Variants in SPDL1 observed in about 807,000 individuals in gnomAD.
The protein encoded by SPDL1 is spindle apparatus coiled-coil protein 1, also known as protein Spindly.
Under a neutral mutation model 79.5 loss-of-function variants are expected in SPDL1, and 85 were observed. The ratio of observed to expected loss-of-function variants is 1.07; its 90% CI spans 0.90 to 1.28. SPDL1 has a LOEUF of 1.28. SPDL1 is among the 50% of genes most tolerant of loss of function. SPDL1 has a pLI of 0.00. For missense variants in SPDL1, 703 were observed against 697.8 expected (o/e 1.01, Z -0.08); for synonymous variants, 269 against 240.3 (o/e 1.12, Z -1.10).
In SPDL1 at chr5:169,594,302, G is replaced by T. The variant is rs1755465755; in HGVS notation, c.681+8G>T. 6.2e-7 allele frequency: 1 copy of T among 1,613,140 alleles called. No individual in the cohort carries two copies. The highest frequency in any genetic ancestry group is 1.7e-5 in the Admixed American group (1 of 59,868). Reference sequence around the variant, plus strand: ...TACTATAATGCCCTAGAGGTACTATGATTACAGTAACATCATGTTTTCCAA... The same window carrying T: ...TACTATAATGCCCTAGAGGTACTATTATTACAGTAACATCATGTTTTCCAA... On this transcript the variant is annotated splice_region_variant and intron_variant, in intron 5 of 11. Transcript: ENST00000265295.
In SPDL1 at chr5:169,601,619, C is replaced by T. The variant is rs748260596; in HGVS notation, c.1664C>T (p.Ser555Phe). Residue 555 changes from serine to phenylalanine, a missense_variant, in exon 11 of 12, where the codon TCT becomes TTT. Transcript: ENST00000265295. The stretch of plus-strand genomic sequence containing the variant: ...GAAAGAAGTGGAAACACCCCTAACT[C>T]TCCCAGGTCAGTGTCCTCTTTTCCT... ...LSERSGNTPN[S>F]PRLAAESKLQ... The T allele has an allele frequency of 2.4e-5, 38 of 1,613,836 alleles. No individual in the cohort carries two copies. The highest frequency in any genetic ancestry group is 3.1e-5 in the Non-Finnish European group (36 of 1,179,906).
At chr5:169,587,821 A>G (rs1201283818) in intron 1 of SPDL1, among the ~76,000 whole-genome samples, 8 of 151,970 alleles carry the variant, frequency 5.3e-5, no homozygotes, top group Non-Finnish European at 1.0e-4. Flanking sequence ...AACTCCATCA[A>G]TTTTCCTTCC....
intron 11 of SPDL1, among the ~76,000 whole-genome samples, chr5:169,603,315 T>C (rs1756031189): frequency 6.6e-6 from 1 of 152,218 alleles, no homozygotes; most frequent in Non-Finnish European, 1.5e-5. Flanking sequence ...AGAATCTCTC[T>C]ACTGTTTATC....
chr5:169,603,803 G>A (rs1434866312), intron 11 of SPDL1, among the ~76,000 whole-genome samples: 1 of 152,106 alleles, frequency 6.6e-6, no homozygotes, highest in Non-Finnish European at 1.5e-5. Flanking sequence ...GCAGTGAGCC[G>A]AGATCATGCC....
At chr5:169,602,209 T>C (rs1002707956) in intron 11 of SPDL1, among the ~76,000 whole-genome samples, 2 of 152,218 alleles carry the variant, frequency 1.3e-5, no homozygotes, top group African/African-American at 4.8e-5. Flanking sequence ...CAGATATGTG[T>C]GTCTGAAGGA....
intron 7 of SPDL1, chr5:169,595,406 A>T (rs1755537420): frequency 6.6e-6 from 1 of 152,224 alleles, no homozygotes; most frequent in South Asian, 2.1e-4. Flanking sequence ...TTGGGTTTGA[A>T]TCATAGTTTT....
At chr5:169,597,081 C>G (rs1755624964) in intron 8 of SPDL1, among the ~76,000 whole-genome samples, 1 of 152,102 alleles carries the variant, frequency 6.6e-6, no homozygotes, top group Non-Finnish European at 1.5e-5. Flanking sequence ...CAAATTGTCC[C>G]AGATTTGATA....
chr5:169,603,401 TC>T (rs1756034008), intron 11 of SPDL1, among the ~76,000 whole-genome samples: 1 of 152,172 alleles, frequency 6.6e-6, no homozygotes, highest in African/African-American at 2.4e-5. Flanking sequence ...AGCCCAAGAT[TC>T]CATGTTATTT....
intron 1 of SPDL1, chr5:169,586,161 GA>G: frequency 6.6e-6 from 1 of 152,328 alleles, no homozygotes. Context: ...ATTCTCTCTT[GA>G]AGGCATTCTA....
At chr5:169,590,556 C>T (rs1755220297) in intron 2 of SPDL1, among the ~76,000 whole-genome samples, 1 of 152,210 alleles carries the variant, frequency 6.6e-6, no homozygotes, top group Admixed American at 6.5e-5. Flanking sequence ...CTCAGCTCTG[C>T]ATTCATTCTG....
chr5:169,593,444 T>C lies in SPDL1; in HGVS notation c.427T>C (p.Cys143Arg). ...AGATCATCAGAAGGAACTCCTCTCT[T>C]GTAAATCAGAGGAACTGCGCGTAAT... The part of the protein sequence containing the change: ...QVDHQKELLS[C>R]KSEELRVMSE... The change falls in exon 4 of 12, where the codon TGT (cysteine) becomes CGT (arginine). Residue 143 changes from cysteine (C) to arginine (R), a missense_variant. By Grantham distance (180) the Cys-to-Arg change is radical. Transcript: ENST00000265295. The C allele has an allele frequency of 1.9e-6, 3 of 1,614,108 alleles. No individual in the cohort carries two copies. Among genetic ancestry groups the C allele is most frequent in the Non-Finnish European group, 2.5e-6 (3 of 1,179,994 alleles).
In SPDL1 at chr5:169,594,186, A is replaced by G. The variant is rs1389131993; in HGVS notation, c.573A>G (p.Gln191=). 2.5e-6 allele frequency: 4 copies of G among 1,613,436 alleles called. No individual in the cohort carries two copies. In the African/African-American group the frequency reaches 5.3e-5, roughly 22 times the overall value. The part of the protein sequence containing the change: ...KEEVNELQYR[Q]EQLELLITNL... ...AAGTGAATGAACTACAATACAGACA[A>G]GAACAGCTAGAACTTCTTATTACTA... The change falls in exon 5 of 12, where the codon CAA becomes CAG. Residue 191 remains glutamine, a synonymous_variant. Transcript: ENST00000265295.
intron 10 of SPDL1, 74 bp downstream of exon 10, chr5:169,599,233 G>A: frequency 9.0e-7 from 1 of 1,107,470 alleles, no homozygotes; most frequent in Non-Finnish European, 1.2e-6. Context: ...TTTTCTTACT[G>A]TAGTTTTATG....
chr5:169,599,067 T>C lies in SPDL1; in HGVS notation c.1232T>C (p.Phe411Ser), dbSNP rs1160483518. The C allele has an allele frequency of 2.5e-6, 4 of 1,603,448 alleles. No homozygotes were observed. Among genetic ancestry groups the C allele is most frequent in the Non-Finnish European group, 3.4e-6 (4 of 1,172,108 alleles). The change falls in exon 10 of 12, where the codon TTT (phenylalanine) becomes TCT (serine). Residue 411 changes from phenylalanine (F) to serine (S), a missense_variant. Physicochemically the swap from Phe to Ser is radical, Grantham distance 155 (BLOSUM62 -2). Coordinates refer to ENST00000265295, the MANE Select transcript of SPDL1 (RefSeq NM_017785.5). ...GCTCTAGATATTGAGCGAAAACTTTTTGCAAATGAAAGATGCCTCCAGCTT... is the reference window on the plus strand; with the variant it reads ...GCTCTAGATATTGAGCGAAAACTTTCTGCAAATGAAAGATGCCTCCAGCTT... Reference protein sequence around the residue: ...QRALDIERKLFANERCLQLSE... With the variant: ...QRALDIERKLSANERCLQLSE...
At position 169,594,218 on chromosome 5, in the gene SPDL1, T is replaced by C; in HGVS notation, c.605T>C (p.Met202Thr). 6.2e-7 allele frequency: 1 copy of C among 1,613,848 alleles called. No homozygotes were observed. Among genetic ancestry groups the C allele is most frequent in the Non-Finnish European group, 8.5e-7 (1 of 1,179,828 alleles). Residue 202 changes from methionine to threonine, a missense_variant, in exon 5 of 12, where the codon ATG becomes ACG. Physicochemically the swap from Met to Thr is moderately conservative, Grantham distance 81. Transcript: ENST00000265295. ...EQLELLITNL[M>T]RQVDRLKEEK... is the part of the protein sequence containing the mutation. ...CTAGAACTTCTTATTACTAACCTAA[T>C]GCGCCAGGTAGACCGGCTTAAAGAG... is the stretch of plus-strand genomic sequence containing the variant.
intron 10 of SPDL1, among the ~76,000 whole-genome samples, chr5:169,600,389 G>A (rs918501484): frequency 2.6e-5 from 4 of 152,180 alleles, no homozygotes; most frequent in Non-Finnish European, 5.9e-5. Context: ...ACTGAACACA[G>A]CAAATAGACA....
intron 3 of SPDL1, 138 bp downstream of exon 3, chr5:169,591,362 G>C: frequency 1.3e-6 from 1 of 770,162 alleles, no homozygotes; most frequent in Non-Finnish European, 2.1e-6. Context: ...TTAATATTGG[G>C]GGTGGGAACA....
At chr5:169,591,325 A>G (rs1405161007) in intron 3 of SPDL1, 101 bp downstream of exon 3, 1 of 1,197,752 alleles carries the variant, frequency 8.3e-7, no homozygotes, top group Non-Finnish European at 1.2e-6. Flanking sequence ...GCTTTGCAAA[A>G]TAGCCAAGAT....
rs756743479 is a variant in SPDL1, at chr5:169,593,460, T to C, written c.443T>C (p.Leu148Pro). 1 of 1,614,134 alleles carries C rather than the reference T, an allele frequency of 6.2e-7. No individual in the cohort carries two copies. The highest frequency in any genetic ancestry group is 8.5e-7 in the Non-Finnish European group (1 of 1,180,014). Residue 148 changes from leucine (L) to proline (P), a missense_variant, in exon 4 of 12, where the codon CTG (leucine) becomes CCG (proline). Coordinates refer to ENST00000265295, the MANE Select transcript of SPDL1 (RefSeq NM_017785.5). ...KELLSCKSEE[L>P]RVMSERVQES... ...CTCCTCTCTTGTAAATCAGAGGAAC[T>C]GCGCGTAATGTCTGAACGTGTGCAG...
Sources: gnomAD v4.1 joint callset for allele counts (sites outside exome capture counted in the v4.1 genomes callset) on GRCh38, gnomAD v4.1.1 for gene constraint, MANE v1.5 for transcripts, NCBI Gene and HGNC (gene_info 2026-07-23, HGNC 2026-07-21) for gene names.